Variants in PPP6R3 observed in about 807,000 individuals in gnomAD.
PPP6R3 encodes the protein serine/threonine-protein phosphatase 6 regulatory subunit 3.
Under a neutral mutation model 110.7 loss-of-function variants are expected in PPP6R3, and 38 were observed. The observed-to-expected ratio is 0.34, with a 90% confidence interval of 0.26 to 0.45. The LOEUF (loss-of-function observed/expected upper bound fraction) is 0.45. PPP6R3 is among the 20% of genes least tolerant of loss of function. PPP6R3 has a pLI of 1.00. For missense variants in PPP6R3, 870 were observed against 1,062.4 expected (o/e 0.82, Z 2.52); for synonymous variants, 369 against 373.5 (o/e 0.99, Z 0.14).
intron 16 of PPP6R3, 42 bp downstream of exon 16, chr11:68,588,066 C>G: frequency 6.6e-7 from 1 of 1,516,472 alleles, no homozygotes; most frequent in Non-Finnish European, 9.2e-7. Flanking sequence ...CTTGCACACC[C>G]TTGCTCTTGG....
chr11:68,461,040 G>T (rs950950181), intron 1 of PPP6R3, among the ~76,000 whole-genome samples: 2 of 151,712 alleles, frequency 1.3e-5, no homozygotes, highest in African/African-American at 2.4e-5. Flanking sequence ...CCTGTTAGCC[G>T]GGGGCCCCGC....
rs191823393 is a variant in PPP6R3, at chr11:68,592,026, A to C, written c.1916+320A>C. ...ATGTTCCGTCATCAGTAATTACAAC[A>C]GCAGTTATGTGTTGTTTCTTGTAAA... On this transcript the variant is annotated intron_variant, in intron 18 of 23. Transcript: ENST00000393800. 3.3e-5 allele frequency among the ~76,000 whole-genome samples: 5 copies of C among 152,358 alleles called. No individual in the cohort carries two copies. In the East Asian group the frequency reaches 9.6e-4, roughly 29 times the overall value.
At chr11:68,543,004 T>C (rs746112628) in intron 3 of PPP6R3, among the ~76,000 whole-genome samples, 5 of 152,158 alleles carry the variant, frequency 3.3e-5, no homozygotes, top group African/African-American at 1.2e-4. Flanking sequence ...CCCAACCCAC[T>C]CTAGCAGCAT....
chr11:68,506,899 C>G (rs1391823069), intron 1 of PPP6R3, among the ~76,000 whole-genome samples: 1 of 152,190 alleles, frequency 6.6e-6, no homozygotes, highest in Non-Finnish European at 1.5e-5. Context: ...GCTGAGCCCA[C>G]TAAATGTAGC....
chr11:68,489,390 A>G (rs866360641), intron 1 of PPP6R3, among the ~76,000 whole-genome samples: 18 of 152,142 alleles, frequency 1.2e-4, no homozygotes, highest in Middle Eastern at 6.8e-3. Flanking sequence ...CATATTTGTT[A>G]AACTTTTTTT....
At chr11:68,500,755 C>T (rs377407886) in intron 1 of PPP6R3, among the ~76,000 whole-genome samples, 1 of 152,218 alleles carries the variant, frequency 6.6e-6, no homozygotes, top group South Asian at 2.1e-4. Context: ...GGATTACAGG[C>T]GTGAGCCACT....
At chr11:68,509,916 ATT>A (rs745821812) in intron 1 of PPP6R3, among the ~76,000 whole-genome samples, 2 of 141,062 alleles carry the variant, frequency 1.4e-5, no homozygotes, top group Non-Finnish European at 1.6e-5. Context: ...CACTCGGCAA[ATT>A]TTTTTTTTTT....
intron 5 of PPP6R3, among the ~76,000 whole-genome samples, chr11:68,549,543 C>T (rs950352412): frequency 3.3e-5 from 5 of 152,194 alleles, no homozygotes; most frequent in East Asian, 1.9e-4. Flanking sequence ...TGGCAGGGAC[C>T]TTAAATTGGG....
intron 1 of PPP6R3, among the ~76,000 whole-genome samples, chr11:68,516,761 G>A (rs1325641906): frequency 2.0e-5 from 3 of 152,140 alleles, no homozygotes; most frequent in East Asian, 3.8e-4. Flanking sequence ...ATTTTTTGAG[G>A]AATGAATGTT....
chr11:68,583,366 CAGA>C (rs1460622497), intron 15 of PPP6R3, among the ~76,000 whole-genome samples: 1 of 152,186 alleles, frequency 6.6e-6, no homozygotes, highest in Non-Finnish European at 1.5e-5. Flanking sequence ...AGTACATTTT[CAGA>C]AGATTTGAAT....
In PPP6R3 at chr11:68,613,112, G is replaced by T. The variant is rs1566243390; in HGVS notation, c.2617G>T (p.Val873Leu). ...AGGTGACACTTCAGTGAATGGCCCT[G>T]TATGACGGGTGACGTCTGCTGCTGC... ...APGDTSVNGP[V>L] Residue 873 changes from valine (V) to leucine (L), a missense_variant, in exon 24 of 24, where the codon GTA (valine) becomes TTA (leucine). Val to Leu is a conservative substitution (Grantham distance 32). Coordinates refer to ENST00000393800, the MANE Select transcript of PPP6R3 (RefSeq NM_001164161.2). The T allele has an allele frequency of 6.2e-7, 1 of 1,614,110 alleles. No homozygotes were observed. Among genetic ancestry groups the T allele is most frequent in the South Asian group, 1.1e-5 (1 of 91,074 alleles).
At chr11:68,591,804 A>AC (rs2099596180) in intron 18 of PPP6R3, 98 bp downstream of exon 18, 4 of 1,367,638 alleles carry the variant, frequency 2.9e-6, no homozygotes, top group Non-Finnish European at 3.8e-6. Flanking sequence ...ATACATGTTA[A>AC]CCCAGAAACC....
chr11:68,555,772 G>T (rs1262907786), intron 7 of PPP6R3, among the ~76,000 whole-genome samples: 2 of 152,222 alleles, frequency 1.3e-5, no homozygotes, highest in Admixed American at 6.5e-5. Context: ...CATTAAATTA[G>T]TTGGAGTAAA....
intron 19 of PPP6R3, among the ~76,000 whole-genome samples, chr11:68,600,116 C>G (rs2099627049): frequency 6.6e-6 from 1 of 151,396 alleles, no homozygotes; most frequent in African/African-American, 2.4e-5. Flanking sequence ...AGCGAGACTC[C>G]ATCTCAAAAA....
chr11:68,545,085 C>T, intron 4 of PPP6R3, 61 bp downstream of exon 4: 3 of 1,307,072 alleles, frequency 2.3e-6, no homozygotes, highest in Non-Finnish European at 3.2e-6. Flanking sequence ...GGTGATCCCC[C>T]AGTACTTGTT....
At chr11:68,482,764 A>C (rs1386253671) in intron 1 of PPP6R3, among the ~76,000 whole-genome samples, 3 of 151,906 alleles carry the variant, frequency 2.0e-5, no homozygotes, top group African/African-American at 4.8e-5. Flanking sequence ...ATCCTTTTCC[A>C]TCTTCTGTTG....
chr11:68,488,949 A>G (rs778866295), intron 1 of PPP6R3: 10 of 151,776 alleles, frequency 6.6e-5, no homozygotes, highest in Non-Finnish European at 1.3e-4. Flanking sequence ...TATTTAGACC[A>G]TTGACCTTTA....
intron 5 of PPP6R3, among the ~76,000 whole-genome samples, chr11:68,550,229 T>A (rs1414547484): frequency 6.6e-6 from 1 of 152,226 alleles, no homozygotes; most frequent in Non-Finnish European, 1.5e-5. Context: ...CTGTGGTGCC[T>A]ACCTAATAGC....
intron 15 of PPP6R3, chr11:68,587,688 C>T (rs2099583131): frequency 3.5e-6 from 2 of 576,190 alleles, no homozygotes; most frequent in African/African-American, 1.9e-5. Flanking sequence ...ACAGAGTGGT[C>T]ACATAGTGTT....
Sources: gnomAD v4.1 joint callset for allele counts (sites outside exome capture counted in the v4.1 genomes callset) on GRCh38, gnomAD v4.1.1 for gene constraint, MANE v1.5 for transcripts, NCBI Gene and HGNC (gene_info 2026-07-23, HGNC 2026-07-21) for gene names.